The following CAPNS1 variants were observed in gnomAD, a reference collection of about 807,000 sequenced individuals.
The protein encoded by CAPNS1 is CANP small subunit.
In CAPNS1, 32 loss-of-function variants were observed where a neutral mutation model predicts 39.2. The observed-to-expected ratio is 0.82, with a 90% CI of 0.62 to 1.10. The LOEUF (loss-of-function observed/expected upper bound fraction) is 1.10, where lower values mean the gene tolerates loss of function less well. CAPNS1 is among the 50% of genes least tolerant of loss of function. The pLI, the probability that CAPNS1 is intolerant of heterozygous loss-of-function variation, is 0.00. For synonymous variants in CAPNS1, 153 were observed against 136.2 expected (o/e 1.12, Z -0.86); for missense variants, 353 against 373.1 (o/e 0.95, Z 0.44).
Position 36,146,257 on chromosome 19 carries a change from G to T in CAPNS1, c.666G>T (p.Gly222=). The T allele has an allele frequency of 1.2e-6, 2 of 1,614,114 alleles. No homozygotes were observed. The highest frequency in any genetic ancestry group is 2.2e-5 in the South Asian group (2 of 91,048). Residue 222 remains glycine, a synonymous_variant, in exon 9 of 11, where the codon GGG becomes GGT. Coordinates refer to ENST00000246533, the MANE Select transcript of CAPNS1 (RefSeq NM_001749.4). ...TCCGACGCTACTCAGATGAAAGTGG[G>T]AACATGGATTTTGACAACTTCATCA... ...MIIRRYSDES[G]NMDFDNFISC...
chr19:36,141,984 G>T (rs185600521), intron 2 of CAPNS1, among the ~76,000 whole-genome samples: 4 of 152,256 alleles, frequency 2.6e-5, no homozygotes, highest in Non-Finnish European at 5.9e-5. Context: ...GATTCTACGT[G>T]GGATTTTTTA....
In CAPNS1 at chr19:36,142,328, C is replaced by G. The variant is rs752673393; in HGVS notation, c.238C>G (p.Pro80Ala). Residue 80 changes from proline (P) to alanine (A), a missense_variant, in exon 3 of 11, where the codon CCC (proline) becomes GCC (alanine). Physicochemically the swap from Pro to Ala is conservative, Grantham distance 27 (BLOSUM62 -1). Transcript: ENST00000246533. ...SEAAAQYNPE[P>A]PPPRTHYSNI... ...GGCGGCTGCGCAGTACAACCCGGAG[C>G]CCCCGGTAAGCCCCCTCTGCAACCA... The G allele has an allele frequency of 6.5e-7, 1 of 1,542,920 alleles. No individual in the cohort carries two copies. Among genetic ancestry groups the G allele is most frequent in the Non-Finnish European group, 8.8e-7 (1 of 1,133,020 alleles).
In CAPNS1 at chr19:36,149,562, G is replaced by T; in HGVS notation, c.722-16G>T. The stretch of plus-strand genomic sequence containing the variant: ...CTTCCTTCCCTGCCGCCAAACCTCT[G>T]CATCTCCTCCTCCAGGTGCCTTCAA... On this transcript the variant is annotated splice_polypyrimidine_tract_variant and intron_variant, in intron 9 of 10. Transcript: ENST00000246533. 1.4e-6 allele frequency: 2 copies of T among 1,465,126 alleles called. No individual in the cohort carries two copies. The highest frequency in any genetic ancestry group is 1.8e-6 in the Non-Finnish European group (2 of 1,105,140). The allele number at this position is 1,465,126 out of a possible 1,614,324, so 90.8% of individuals were successfully genotyped here.
Position 36,142,287 on chromosome 19 carries a change from T to C in CAPNS1, c.210-13T>C. 6.3e-7 allele frequency: 1 copy of C among 1,574,882 alleles called. No individual in the cohort carries two copies. The highest frequency in any genetic ancestry group is 8.7e-7 in the Non-Finnish European group (1 of 1,149,170). ...GCCCCTGGCACTAACCCCTCCCCCT[T>C]ATCTCTTCGCAGCGAGGCGGCTGCG... On this transcript the variant is annotated splice_polypyrimidine_tract_variant and intron_variant, in intron 2 of 10. Coordinates refer to ENST00000246533, the MANE Select transcript of CAPNS1 (RefSeq NM_001749.4).
chr19:36,144,181 A>G (rs1974483695), intron 6 of CAPNS1: 1 of 150,704 alleles, frequency 6.6e-6, no homozygotes, highest in Admixed American at 6.6e-5. Flanking sequence ...CGTCTCAAAA[A>G]AAAAAAAAAA....
At chr19:36,146,374 C>T in intron 9 of CAPNS1, 62 bp downstream of exon 9, 1 of 1,053,286 alleles carries the variant, frequency 9.5e-7, no homozygotes, top group Non-Finnish European at 1.5e-6. Flanking sequence ...GGACCAAGGT[C>T]TCCTCTAAGC....
At chr19:36,141,374 T>G in intron 2 of CAPNS1, 154 bp downstream of exon 2, 1 of 1,349,026 alleles carries the variant, frequency 7.4e-7, no homozygotes, top group Non-Finnish European at 9.5e-7. Context: ...GGTTTGAGAG[T>G]TCTGCTGTAA....
intron 9 of CAPNS1, among the ~76,000 whole-genome samples, chr19:36,148,834 C>T (rs1422952140): frequency 1.3e-5 from 2 of 151,796 alleles, no homozygotes; most frequent in Admixed American, 1.3e-4. Flanking sequence ...GAAAGAAAGG[C>T]AGCCAGGGTG....
At chr19:36,145,477 T>C (rs1013403081) in intron 6 of CAPNS1, 8 of 230,280 alleles carry the variant, frequency 3.5e-5, no homozygotes, top group African/African-American at 1.8e-4. Flanking sequence ...AGTGCTGGAT[T>C]GCAGGCGGGA....
intron 1 of CAPNS1, chr19:36,140,633 A>G (rs1293084480): frequency 9.1e-6 from 2 of 220,432 alleles, no homozygotes; most frequent in Non-Finnish European, 8.8e-6. Context: ...TGACCTGCCA[A>G]GGACCTCTAC....
intron 6 of CAPNS1, 31 bp downstream of exon 6, chr19:36,143,159 T>C (rs760281580): frequency 6.6e-5 from 106 of 1,602,830 alleles, no homozygotes; most frequent in Non-Finnish European, 8.6e-5. Flanking sequence ...GGAGAGGCCC[T>C]GGGTGGACAG....
rs1471279542 is a variant in CAPNS1, at chr19:36,147,372, G to A, written c.721+1060G>A. Among the ~76,000 whole-genome samples, 3 of 152,276 alleles carry A rather than the reference G, an allele frequency of 2.0e-5. 1 individual carries two copies. Among genetic ancestry groups the A allele is most frequent in the Non-Finnish European group, 1.5e-5 (1 of 68,018 alleles). ...CATGATTAGGTCATGCAGGATTGTG[G>A]GTGCCAAGTTTGGGGGTGCTCAAAC... On this transcript the variant is annotated intron_variant, in intron 9 of 10. Transcript: ENST00000246533.
At chr19:36,148,723 G>A (rs1313838410) in intron 9 of CAPNS1, among the ~76,000 whole-genome samples, 1 of 151,954 alleles carries the variant, frequency 6.6e-6, no homozygotes, top group East Asian at 1.9e-4. Flanking sequence ...TGAGGCAGGA[G>A]AATCACTTGA....
chr19:36,148,227 G>C (rs1439852548), intron 9 of CAPNS1: 2 of 151,684 alleles, frequency 1.3e-5, no homozygotes, highest in Non-Finnish European at 2.9e-5. Flanking sequence ...CACATAAGAG[G>C]GGCCAGGAAA....
At position 36,141,183 on chromosome 19, in the gene CAPNS1, G is replaced by A. The variant is rs1568390144; in HGVS notation, c.172G>A (p.Ala58Thr). The change falls in exon 2 of 11, where the codon GCC becomes ACC. Residue 58 changes from alanine (A) to threonine (T), a missense_variant. Physicochemically the swap from Ala to Thr is moderately conservative, Grantham distance 58. Coordinates refer to ENST00000246533, the MANE Select transcript of CAPNS1 (RefSeq NM_001749.4). Reference sequence around the variant, plus strand: ...TGGAGGCGGCGGTGGCGGTGGAACGGCCATGCGCATCCTAGGCGGAGTCAT... The same window carrying A: ...TGGAGGCGGCGGTGGCGGTGGAACGACCATGCGCATCCTAGGCGGAGTCAT... ...GGGGGGGGGTAMRILGGVISA... is the reference protein window; with the variant it reads ...GGGGGGGGGTTMRILGGVISA... 1 of 1,446,034 alleles carries A rather than the reference G, an allele frequency of 6.9e-7. No homozygotes were observed. The highest frequency in any genetic ancestry group is 9.0e-7 in the Non-Finnish European group (1 of 1,104,996). 89.6% of individuals were successfully genotyped at this position (1,446,034 alleles called of 1,614,324 possible). A position where few individuals can be genotyped will look rare whatever the true frequency, so the allele number is the denominator to read the frequency against.
chr19:36,142,986 G>A lies in CAPNS1; in HGVS notation c.391+20G>A, dbSNP rs747547235. ...CACGACGTAAGTGACCGGGGTTAAG[G>A]AATAGGGTAGATTCAGAGGCAGAGG... On this transcript the variant is annotated intron_variant, in intron 5 of 10. Transcript: ENST00000246533. 1.2e-6 allele frequency: 2 copies of A among 1,614,102 alleles called. No individual in the cohort carries two copies. The highest frequency in any genetic ancestry group is 1.7e-6 in the Non-Finnish European group (2 of 1,179,964).
chr19:36,140,837 T>A, intron 1 of CAPNS1, 160 bp from the exon 2 acceptor site: 1 of 1,085,170 alleles, frequency 9.2e-7, no homozygotes, highest in Non-Finnish European at 1.3e-6. Context: ...TGATCCCCCA[T>A]ACCTGCCCCA....
At position 36,141,986 on chromosome 19, in the gene CAPNS1, G is replaced by A. The variant is rs141098758; in HGVS notation, c.210-314G>A. On this transcript the variant is annotated intron_variant, in intron 2 of 10. Transcript: ENST00000246533. ...GGCGGGGTCTTTTGATTCTACGTGG[G>A]ATTTTTTAGGTTTAGGGTGGCCAAG... Among the ~76,000 whole-genome samples the A allele has an allele frequency of 2.9e-3, 439 of 152,244 alleles. 3 individuals are homozygous for A. The highest frequency in any genetic ancestry group is 0.01 in the African/African-American group (417 of 41,536).
At chr19:36,141,648 A>G in intron 2 of CAPNS1, 4 of 998,934 alleles carry the variant, frequency 4.0e-6, no homozygotes, top group Non-Finnish European at 4.8e-6. Context: ...TGGGTTAATG[A>G]GGAGGTGAGC....
Sources: gnomAD v4.1 joint callset for allele counts (sites outside exome capture counted in the v4.1 genomes callset) on GRCh38, gnomAD v4.1.1 for gene constraint, MANE v1.5 for transcripts, NCBI Gene and HGNC (gene_info 2026-07-23, HGNC 2026-07-21) for gene names.